Variants in NLGN1 observed in about 807,000 individuals in gnomAD.
NLGN1 encodes neuroligin-1.
In NLGN1, 12 loss-of-function variants were observed where a neutral mutation model predicts 65.5. The ratio of observed to expected loss-of-function variants is 0.18; its 90% confidence interval spans 0.12 to 0.30. NLGN1 has a LOEUF of 0.30. Among genes scored for constraint, NLGN1 ranks in the 10% least tolerant of loss-of-function variants. The probability of loss-of-function intolerance (pLI) is 1.00; values close to 1 mark genes in which losing one functional copy is unlikely to be tolerated. For missense variants in NLGN1, 750 were observed against 1,007.1 expected, an observed-to-expected ratio of 0.74 and a Z score of 3.46; for synonymous variants, 350 against 359.5, an observed-to-expected ratio of 0.97 and a Z score of 0.30.
At chr3:174,206,796 A>G (rs1368949776) in intron 4 of NLGN1, among the ~76,000 whole-genome samples, 2 of 152,150 alleles carry the variant, frequency 1.3e-5, no homozygotes, top group Non-Finnish European at 2.9e-5. Context: ...TCATTGTGAA[A>G]CTGATAGACT....
intron 4 of NLGN1, among the ~76,000 whole-genome samples, chr3:173,970,789 G>A (rs1388525017): frequency 6.6e-6 from 1 of 152,122 alleles, no homozygotes; most frequent in Non-Finnish European, 1.5e-5. Flanking sequence ...TCGTTACTGT[G>A]CAGTAAAGAG....
Position 173,492,428 on chromosome 3 carries a change from C to T in NLGN1, c.-321+57350C>T, listed in dbSNP as rs571203595. ...CATATTAATTGGTACATGCACAATA[C>T]TGCAGATATATATTTCTTATGGGTC... On this transcript the variant is annotated intron_variant, in intron 2 of 6. Coordinates refer to ENST00000457714, the Ensembl canonical transcript of NLGN1. Among the ~76,000 whole-genome samples, 22 of 151,772 alleles carry T rather than the reference C, an allele frequency of 1.4e-4. 1 individual carries two copies. Among genetic ancestry groups the T allele is most frequent in the African/African-American group, 5.1e-4 (21 of 41,212 alleles).
chr3:173,943,776 C>T (rs576887164), intron 4 of NLGN1, among the ~76,000 whole-genome samples: 2 of 152,178 alleles, frequency 1.3e-5, no homozygotes, highest in Non-Finnish European at 2.9e-5. Flanking sequence ...GGAAGCCTAA[C>T]AAAGCTTCCC....
chr3:173,577,272 C>T (rs1322764360), intron 2 of NLGN1, among the ~76,000 whole-genome samples: 1 of 152,168 alleles, frequency 6.6e-6, no homozygotes, highest in East Asian at 1.9e-4. Flanking sequence ...GAATTATATT[C>T]TCATTCTATC....
intron 4 of NLGN1, among the ~76,000 whole-genome samples, chr3:174,046,825 T>C (rs1383345516): frequency 2.0e-5 from 3 of 152,084 alleles, no homozygotes; most frequent in Non-Finnish European, 4.4e-5. Context: ...TTCTTATTCC[T>C]TAATTATATT....
chr3:173,606,300 A>G (rs1751402870), intron 3 of NLGN1, among the ~76,000 whole-genome samples: 2 of 152,120 alleles, frequency 1.3e-5, no homozygotes, highest in African/African-American at 4.8e-5. Context: ...ATCATCCTCT[A>G]GCCAGATTGA....
At chr3:173,791,537 T>C (rs866556551) in intron 3 of NLGN1, among the ~76,000 whole-genome samples, 1 of 151,618 alleles carries the variant, frequency 6.6e-6, no homozygotes, top group Middle Eastern at 3.2e-3. Context: ...TTTTTTTCTT[T>C]TAAAGGCACT....
At chr3:174,209,267 T>G (rs1736000510) in intron 4 of NLGN1, among the ~76,000 whole-genome samples, 1 of 152,164 alleles carries the variant, frequency 6.6e-6, no homozygotes. Flanking sequence ...TTTGTTTTGA[T>G]TTGTTAAAAC....
chr3:173,611,228 G>A (rs1303070191), intron 3 of NLGN1, among the ~76,000 whole-genome samples: 1 of 151,942 alleles, frequency 6.6e-6, no homozygotes, highest in African/African-American at 2.4e-5. Flanking sequence ...TAGACATCAT[G>A]GCATATTAAT....
chr3:173,929,287 ATCT>A (rs915317838), intron 4 of NLGN1, among the ~76,000 whole-genome samples: 4 of 152,172 alleles, frequency 2.6e-5, no homozygotes, highest in East Asian at 3.9e-4. Flanking sequence ...ATGATCAGCT[ATCT>A]TCTTGTCATC....
At chr3:173,816,047 T>G (rs1718979058) in intron 4 of NLGN1, among the ~76,000 whole-genome samples, 1 of 120,462 alleles carries the variant, frequency 8.3e-6, no homozygotes, top group African/African-American at 2.9e-5. Context: ...TATAATATAG[T>G]CAGTAATGAA....
chr3:173,533,586 G>A (rs939972501), intron 2 of NLGN1, among the ~76,000 whole-genome samples: 2 of 152,132 alleles, frequency 1.3e-5, no homozygotes. Flanking sequence ...CTGTATGACA[G>A]ACCCACTCTC....
At chr3:173,747,086 AC>A (rs1775521229) in intron 3 of NLGN1, among the ~76,000 whole-genome samples, 2 of 150,450 alleles carry the variant, frequency 1.3e-5, no homozygotes, top group African/African-American at 2.4e-5. Flanking sequence ...ACACACACAC[AC>A]ACACAAACAC....
chr3:173,959,963 A>G (rs1319936820), intron 4 of NLGN1, among the ~76,000 whole-genome samples: 1 of 152,110 alleles, frequency 6.6e-6, no homozygotes, highest in African/African-American at 2.4e-5. Context: ...TTAATCAACC[A>G]TATATTTTTA....
intron 3 of NLGN1, among the ~76,000 whole-genome samples, chr3:173,631,307 G>A (rs1001243903): frequency 6.6e-6 from 1 of 152,094 alleles, no homozygotes; most frequent in East Asian, 1.9e-4. Context: ...TCCTTTCTAA[G>A]TGTAGATTAT....
At position 173,416,722 on chromosome 3, in the gene NLGN1, C is replaced by T. The variant is rs79660211; in HGVS notation, c.-390+18235C>T. Reference sequence around the variant, plus strand: ...AAGATTCGAAAGAAGAGGTGGGAGACATATAGTTGCAAATAATATTTGTAT... The same window carrying T: ...AAGATTCGAAAGAAGAGGTGGGAGATATATAGTTGCAAATAATATTTGTAT... On this transcript the variant is annotated intron_variant, in intron 1 of 6. Transcript: ENST00000457714. Among the ~76,000 whole-genome samples the T allele has an allele frequency of 1.4e-3, 218 of 152,128 alleles. 4 individuals are homozygous for T. The East Asian group carries it at 0.037, about 26-fold the overall frequency.
At chr3:174,249,200 T>C (rs1324055359) in intron 4 of NLGN1, among the ~76,000 whole-genome samples, 1 of 152,234 alleles carries the variant, frequency 6.6e-6, no homozygotes, top group African/African-American at 2.4e-5. Context: ...ATGTCACTGC[T>C]TCATTTATGT....
intron 4 of NLGN1, among the ~76,000 whole-genome samples, chr3:173,926,462 A>T (rs1420912741): frequency 6.6e-6 from 1 of 152,168 alleles, no homozygotes; most frequent in Non-Finnish European, 1.5e-5. Context: ...GCTGAGTCCC[A>T]TGGTCTAATC....
At chr3:173,740,438 T>C (rs900244870) in intron 3 of NLGN1, among the ~76,000 whole-genome samples, 6 of 152,224 alleles carry the variant, frequency 3.9e-5, no homozygotes, top group Middle Eastern at 3.4e-3. Context: ...CATTGTAGGA[T>C]AGTATTTTGC....
Sources: gnomAD v4.1 joint callset for allele counts (sites outside exome capture counted in the v4.1 genomes callset) on GRCh38, gnomAD v4.1.1 for gene constraint, MANE v1.5 for transcripts, NCBI Gene and HGNC (gene_info 2026-07-23, HGNC 2026-07-21) for gene names.